FNDC3A: variants seen among roughly 807,000 people sequenced by gnomAD.
The protein encoded by FNDC3A is fibronectin type-III domain-containing protein 3A.
A neutral mutation model predicts 148.9 loss-of-function variants in FNDC3A; 32 were observed. That is an observed-to-expected ratio of 0.21 (90% CI 0.16 to 0.29). The LOEUF (loss-of-function observed/expected upper bound fraction) is 0.29. FNDC3A is among the 10% of genes least tolerant of loss of function. FNDC3A has a pLI of 1.00. For missense variants in FNDC3A, 1,191 were observed against 1,452.8 expected, an observed-to-expected ratio of 0.82 and a Z score of 2.93; for synonymous variants, 472 against 473.6, an observed-to-expected ratio of 1.00 and a Z score of 0.04.
Position 49,180,936 on chromosome 13 carries a change from G to A in FNDC3A, c.1617+2282G>A, listed in dbSNP as rs181499063. ...TGTTTTTTCTATTTAAAAGCCACCA[G>A]GCATGGTAGCTCACGCTTGTAATAA... On this transcript the variant is annotated intron_variant, in intron 14 of 25. Coordinates refer to ENST00000492622, the MANE Select transcript of FNDC3A (RefSeq NM_001079673.2). 1.1e-4 allele frequency among the ~76,000 whole-genome samples: 17 copies of A among 152,170 alleles called. No individual in the cohort carries two copies. The East Asian group carries it at 3.3e-3, about 29-fold the overall frequency.
chr13:49,078,549 C>T (rs1297198232), intron 3 of FNDC3A, among the ~76,000 whole-genome samples: 2 of 152,152 alleles, frequency 1.3e-5, no homozygotes, highest in African/African-American at 4.8e-5. Context: ...GAAGGCTCTC[C>T]CCTCTTTATG....
intron 8 of FNDC3A, among the ~76,000 whole-genome samples, chr13:49,163,688 A>G (rs1884297701): frequency 6.6e-6 from 1 of 152,192 alleles, no homozygotes; most frequent in East Asian, 1.9e-4. Context: ...TCAGTTGGAA[A>G]TGCATAAATC....
At chr13:49,085,118 G>T (rs1386550070) in intron 3 of FNDC3A, among the ~76,000 whole-genome samples, 1 of 152,098 alleles carries the variant, frequency 6.6e-6, no homozygotes, top group Non-Finnish European at 1.5e-5. Context: ...TGTGCTGTGG[G>T]ATCGTGATGA....
rs1321482865 is a variant in FNDC3A, at chr13:48,990,918, T to G, written c.-40+14741T>G. Among the ~76,000 whole-genome samples, 3 of 152,330 alleles carry G rather than the reference T, an allele frequency of 2.0e-5. No individual in the cohort carries two copies. In the East Asian group the frequency reaches 5.8e-4, roughly 29 times the overall value. The stretch of plus-strand genomic sequence containing the variant: ...GGTATACAGTAATAAGTAAAACATG[T>G]GTATTGTAAATTTTAAAGAAACCAC... On this transcript the variant is annotated intron_variant, in intron 1 of 25. Transcript: ENST00000492622.
intron 6 of FNDC3A, among the ~76,000 whole-genome samples, chr13:49,138,159 A>C (rs956453245): frequency 3.4e-4 from 52 of 152,186 alleles, no homozygotes; most frequent in African/African-American, 1.0e-3. Context: ...CTCACTAACA[A>C]ATTTCAAATA....
chr13:49,013,167 T>C (rs1016157085), intron 2 of FNDC3A, among the ~76,000 whole-genome samples: 5 of 151,816 alleles, frequency 3.3e-5, no homozygotes, highest in South Asian at 2.1e-4. Context: ...AAAATAAAAT[T>C]AGCCAGGTGT....
Position 49,122,122 on chromosome 13 carries a change from T to C in FNDC3A, c.252+7391T>C, listed in dbSNP as rs908182263. Among the ~76,000 whole-genome samples, 4 of 152,206 alleles carry C rather than the reference T, an allele frequency of 2.6e-5. No individual in the cohort carries two copies. The East Asian group carries it at 5.8e-4, about 22-fold the overall frequency. On this transcript the variant is annotated intron_variant, in intron 4 of 25. Transcript: ENST00000492622. ...TCAATAAAATAACTGGCAAACTGAA[T>C]TCAGCAGCACATCCAAAAGCTTATC...
At position 49,207,184 on chromosome 13, in the gene FNDC3A, G is replaced by A. The variant is rs1429497550; in HGVS notation, c.3386G>A (p.Gly1129Glu). The A allele has an allele frequency of 5.0e-6, 8 of 1,614,026 alleles. No homozygotes were observed. The highest frequency in any genetic ancestry group is 4.0e-5 in the African/African-American group (3 of 74,914). ...CAIRQCQDSL[G>E]HQDLVGPYST... ...ATTCGCCAGTGCCAAGACTCTCTGGGACACCAGGACCTCGTAGGTCCCTAC... is the reference window on the plus strand; with the variant it reads ...ATTCGCCAGTGCCAAGACTCTCTGGAACACCAGGACCTCGTAGGTCCCTAC... The change falls in exon 26 of 26, where the codon GGA becomes GAA. Residue 1129 changes from glycine (G) to glutamate (E), a missense_variant. Around this residue, in one of 3 missense-constraint regions of FNDC3A, gnomAD observed 751 missense variants for 944.0 expected, o/e 0.80. Transcript: ENST00000492622.
chr13:49,029,556 A>G (rs1427868764), intron 2 of FNDC3A, among the ~76,000 whole-genome samples: 1 of 152,220 alleles, frequency 6.6e-6, no homozygotes, highest in African/African-American at 2.4e-5. Context: ...AGAAGAAAAC[A>G]GTAAAGCTTA....
At chr13:49,154,153 A>G (rs1333489219) in intron 8 of FNDC3A, among the ~76,000 whole-genome samples, 1 of 147,980 alleles carries the variant, frequency 6.8e-6, no homozygotes, top group Non-Finnish European at 1.5e-5. Context: ...ACCCATGAGC[A>G]TGGAATGTTC....
At chr13:49,141,951 T>C (rs764535619) in intron 7 of FNDC3A, among the ~76,000 whole-genome samples, 34 of 152,168 alleles carry the variant, frequency 2.2e-4, no homozygotes, top group Admixed American at 1.2e-3. Flanking sequence ...TAGTCAATGG[T>C]TCTGTGACCT....
intron 1 of FNDC3A, among the ~76,000 whole-genome samples, chr13:49,001,338 G>A (rs1387106795): frequency 1.3e-5 from 2 of 152,108 alleles, no homozygotes; most frequent in Admixed American, 6.6e-5. Flanking sequence ...GAGGATGTAT[G>A]TCGCCTCAGG....
intron 1 of FNDC3A, among the ~76,000 whole-genome samples, chr13:48,979,326 G>C (rs1300404988): frequency 6.6e-6 from 1 of 152,138 alleles, no homozygotes; most frequent in Non-Finnish European, 1.5e-5. Context: ...TTATTAAGTT[G>C]TGTGACACCA....
chr13:49,055,803 A>G (rs745672925), intron 2 of FNDC3A, among the ~76,000 whole-genome samples: 5 of 152,132 alleles, frequency 3.3e-5, no homozygotes, highest in African/African-American at 7.2e-5. Flanking sequence ...CTGTGCCCCA[A>G]CTACCTTGGA....
chr13:48,999,009 G>A (rs564958631), intron 1 of FNDC3A, among the ~76,000 whole-genome samples: 2 of 152,316 alleles, frequency 1.3e-5, no homozygotes, highest in Admixed American at 6.5e-5. Flanking sequence ...GGGCTGCTAC[G>A]CCCACTACAG....
chr13:49,062,285 A>C (rs1876952521), intron 2 of FNDC3A, among the ~76,000 whole-genome samples: 1 of 152,206 alleles, frequency 6.6e-6, no homozygotes, highest in Non-Finnish European at 1.5e-5. Context: ...TAATTGAACT[A>C]TTCTTGCATT....
intron 2 of FNDC3A, among the ~76,000 whole-genome samples, chr13:49,019,281 T>A (rs1873101037): frequency 6.6e-6 from 1 of 152,212 alleles, no homozygotes; most frequent in South Asian, 2.1e-4. Context: ...CCCTCTGAGC[T>A]AGGTGCGGGA....
chr13:49,080,475 T>G (rs1172389206), intron 3 of FNDC3A, among the ~76,000 whole-genome samples: 1 of 152,236 alleles, frequency 6.6e-6, no homozygotes, highest in Non-Finnish European at 1.5e-5. Context: ...TGTCTCAGGT[T>G]TTTTCTGTTG....
At chr13:49,133,212 A>T (rs979500320) in intron 5 of FNDC3A, among the ~76,000 whole-genome samples, 1 of 152,208 alleles carries the variant, frequency 6.6e-6, no homozygotes, top group African/African-American at 2.4e-5. Flanking sequence ...TGCTCCAAGG[A>T]ACATACTTTT....
Sources: allele counts gnomAD v4.1 joint callset (sites outside exome capture counted in the v4.1 genomes callset), GRCh38; gene constraint gnomAD v4.1.1; regional missense constraint gnomAD v4.1.1; transcripts MANE v1.5; gene names NCBI Gene and HGNC (gene_info 2026-07-23, HGNC 2026-07-21).